Variants in BNC2 observed in about 807,000 individuals in gnomAD.
BNC2 encodes the protein zinc finger protein basonuclin-2.
A neutral mutation model predicts 76.3 loss-of-function variants in BNC2; 20 were observed. That is an observed-to-expected ratio of 0.26 (90% CI 0.18 to 0.38). BNC2 has a LOEUF of 0.38. BNC2 is among the 10% of genes least tolerant of loss of function. The pLI, the probability that BNC2 is intolerant of heterozygous loss-of-function variation, is 1.00. For synonymous variants in BNC2, 582 were observed against 514.8 expected (o/e 1.13, Z -1.77); for missense variants, 1,382 against 1,399.8 (o/e 0.99, Z 0.20).
intron 5 of BNC2, among the ~76,000 whole-genome samples, chr9:16,507,006 A>C (rs542386363): frequency 1.3e-5 from 2 of 152,172 alleles, no homozygotes; most frequent in South Asian, 4.1e-4. Flanking sequence ...TGCCCACCTC[A>C]GCCTCCCAAA....
intron 3 of BNC2, among the ~76,000 whole-genome samples, chr9:16,675,790 G>T: frequency 6.6e-6 from 1 of 152,060 alleles, no homozygotes; most frequent in East Asian, 1.9e-4. Context: ...GCTTTGGCCG[G>T]GCTCGGTGGC....
At chr9:16,861,851 T>C (rs1012563317) in intron 1 of BNC2, among the ~76,000 whole-genome samples, 5 of 152,056 alleles carry the variant, frequency 3.3e-5, no homozygotes, top group African/African-American at 1.2e-4. Context: ...TAGCCAGTCA[T>C]GGTGGCGGGC....
At chr9:16,690,024 T>C (rs1023077996) in intron 3 of BNC2, among the ~76,000 whole-genome samples, 1 of 152,192 alleles carries the variant, frequency 6.6e-6, no homozygotes, top group African/African-American at 2.4e-5. Context: ...TGGCAGAGTA[T>C]GCAGTTAAAT....
At chr9:16,528,599 T>C (rs928322199) in intron 5 of BNC2, among the ~76,000 whole-genome samples, 1 of 152,338 alleles carries the variant, frequency 6.6e-6, no homozygotes, top group Admixed American at 6.5e-5. Context: ...TACAATAGTT[T>C]TAGAAGTACC....
intron 5 of BNC2, among the ~76,000 whole-genome samples, chr9:16,441,791 G>A (rs1587030885): frequency 6.6e-6 from 1 of 152,092 alleles, no homozygotes; most frequent in African/African-American, 2.4e-5. Context: ...TTTAACTTAA[G>A]TATTGGAAAA....
chr9:16,813,183 G>A (rs999209805), intron 1 of BNC2, among the ~76,000 whole-genome samples: 1 of 152,058 alleles, frequency 6.6e-6, no homozygotes, highest in Non-Finnish European at 1.5e-5. Context: ...CGGACAGAGC[G>A]AGACTCCGTC....
At chr9:16,490,640 G>A (rs1423198458) in intron 5 of BNC2, among the ~76,000 whole-genome samples, 1 of 152,186 alleles carries the variant, frequency 6.6e-6, no homozygotes, top group African/African-American at 2.4e-5. Flanking sequence ...CACCTAGAGG[G>A]AAGGGACCCT....
At chr9:16,498,526 G>A (rs993228894) in intron 5 of BNC2, among the ~76,000 whole-genome samples, 1 of 151,164 alleles carries the variant, frequency 6.6e-6, no homozygotes, top group African/African-American at 2.4e-5. Flanking sequence ...GGAAGAGTGG[G>A]AGGGGGGTGA....
chr9:16,733,947 T>C (rs1029644703), intron 2 of BNC2, among the ~76,000 whole-genome samples: 2 of 152,068 alleles, frequency 1.3e-5, no homozygotes, highest in African/African-American at 4.8e-5. Context: ...CACTGGCTCC[T>C]AATTTCCTTT....
At chr9:16,771,862 C>T (rs977955563) in intron 1 of BNC2, among the ~76,000 whole-genome samples, 1 of 152,148 alleles carries the variant, frequency 6.6e-6, no homozygotes, top group African/African-American at 2.4e-5. Flanking sequence ...AAAGAGGCAA[C>T]ATTTCCAACA....
intron 5 of BNC2, among the ~76,000 whole-genome samples, chr9:16,449,081 A>G (rs981383705): frequency 1.3e-5 from 2 of 152,204 alleles, no homozygotes; most frequent in African/African-American, 2.4e-5. Context: ...CAATCAATAT[A>G]TGTTACTATA....
chr9:16,473,393 T>C (rs1474788024), intron 5 of BNC2: 1 of 152,220 alleles, frequency 6.6e-6, no homozygotes, highest in Admixed American at 6.5e-5. Context: ...GTAGCACTTA[T>C]GAATTCCTTT....
intron 1 of BNC2, among the ~76,000 whole-genome samples, chr9:16,812,035 C>G (rs529933802): frequency 7.2e-5 from 11 of 152,228 alleles, no homozygotes; most frequent in African/African-American, 2.7e-4. Flanking sequence ...CCAGCCTTAA[C>G]TGCTTCCAGA....
At chr9:16,846,784 G>A (rs1398071806) in intron 1 of BNC2, among the ~76,000 whole-genome samples, 1 of 152,194 alleles carries the variant, frequency 6.6e-6, no homozygotes, top group Non-Finnish European at 1.5e-5. Flanking sequence ...CAAAGCACCA[G>A]CAGGTTTTCC....
Position 16,413,040 on chromosome 9 carries a change from A to G in BNC2, c.*5949T>C, listed in dbSNP as rs1035687047. ...AGCGTTCACATTACTGGAAGGTAAT[A>G]AAGTGACAAGTATGTTATTAGAAAG... On this transcript the variant is annotated 3_prime_UTR_variant, in exon 7 of 7. Transcript: ENST00000380672. 2 of 152,764 alleles carry G rather than the reference A, an allele frequency of 1.3e-5. No individual in the cohort carries two copies. Among genetic ancestry groups the G allele is most frequent in the Non-Finnish European group, 2.9e-5 (2 of 68,036 alleles). The allele number at this position is 152,764 out of a possible 1,614,324, so 9.5% of individuals were successfully genotyped here. A position where few individuals can be genotyped will look rare whatever the true frequency, so the allele number is the denominator to read the frequency against.
chr9:16,761,680 C>T (rs1482558093), intron 1 of BNC2, among the ~76,000 whole-genome samples: 2 of 152,174 alleles, frequency 1.3e-5, no homozygotes, highest in Non-Finnish European at 2.9e-5. Context: ...TGATGGATGT[C>T]TTTACCAATT....
At chr9:16,767,564 G>C (rs909529895) in intron 1 of BNC2, among the ~76,000 whole-genome samples, 4 of 152,164 alleles carry the variant, frequency 2.6e-5, no homozygotes, top group African/African-American at 9.7e-5. Flanking sequence ...AGTTGAGGGA[G>C]ATTAGAAGCC....
intron 3 of BNC2, among the ~76,000 whole-genome samples, chr9:16,640,320 A>G (rs1821456586): frequency 6.6e-6 from 1 of 152,184 alleles, no homozygotes; most frequent in Admixed American, 6.5e-5. Context: ...CATCATTCCT[A>G]TCACATTTCA....
chr9:16,726,488 T>TA (rs1341537693), intron 3 of BNC2, among the ~76,000 whole-genome samples: 2 of 151,868 alleles, frequency 1.3e-5, no homozygotes, highest in Middle Eastern at 3.4e-3. Context: ...GTTTTTTTTT[T>TA]ATTATCAACA....
Sources: gnomAD v4.1 joint callset for allele counts (sites outside exome capture counted in the v4.1 genomes callset) on GRCh38, gnomAD v4.1.1 for gene constraint, MANE v1.5 for transcripts, NCBI Gene and HGNC (gene_info 2026-07-23, HGNC 2026-07-21) for gene names.